CCDC150: variants seen among roughly 807,000 people sequenced by gnomAD.
CCDC150 encodes the protein coiled-coil domain-containing protein 150.
Under a neutral mutation model 156.5 loss-of-function variants are expected in CCDC150, and 151 were observed. The ratio of observed to expected loss-of-function variants is 0.97; its 90% confidence interval spans 0.85 to 1.10. The LOEUF is 1.10. Among genes scored for constraint, CCDC150 ranks in the 50% least tolerant of loss-of-function variants. The probability of loss-of-function intolerance (pLI) is 0.00; values close to 1 mark genes in which losing one functional copy is unlikely to be tolerated. For synonymous variants in CCDC150, 452 were observed against 429.4 expected (o/e 1.05, Z -0.65); for missense variants, 1,312 against 1,268.1 (o/e 1.03, Z -0.53).
intron 1 of CCDC150, among the ~76,000 whole-genome samples, chr2:196,640,462 T>C (rs1692147545): frequency 1.3e-5 from 2 of 152,220 alleles, no homozygotes; most frequent in Non-Finnish European, 2.9e-5. Flanking sequence ...TATGGTTTTC[T>C]TGAGCTCTTC....
At chr2:196,729,473 A>T (rs1275575075) in intron 23 of CCDC150, 86 bp downstream of exon 23, 3 of 1,305,448 alleles carry the variant, frequency 2.3e-6, no homozygotes, top group Non-Finnish European at 3.3e-6. Context: ...AGGTTTTAGA[A>T]CCCTAGCAGC....
In CCDC150 at chr2:196,664,474, C is replaced by T. The variant is rs558183069; in HGVS notation, c.646-1093C>T. 3.3e-5 allele frequency among the ~76,000 whole-genome samples: 5 copies of T among 152,302 alleles called. No homozygotes were observed. The South Asian group carries it at 8.3e-4, about 25-fold the overall frequency. On this transcript the variant is annotated intron_variant, in intron 5 of 27. Transcript: ENST00000389175. ...ATACAGTTGAGCAGCCAGATGGAAG[C>T]GATGCATAGAGCAAGGCATGTGGGA...
rs147501732 is a variant in CCDC150, at chr2:196,640,709, C to T, written c.12+931C>T. 9.6e-4 allele frequency among the ~76,000 whole-genome samples: 147 copies of T among 152,332 alleles called. No individual in the cohort carries two copies. The East Asian group carries it at 0.019, about 20-fold the overall frequency. ...CCCTCATATCTCATATCTAATGCAT[C>T]AGCAAAAGCTATCTTTCAAGTATAT... On this transcript the variant is annotated intron_variant, in intron 1 of 27. Transcript: ENST00000389175.
chr2:196,674,827 A>T (rs1334571417), intron 10 of CCDC150, among the ~76,000 whole-genome samples: 1 of 152,176 alleles, frequency 6.6e-6, no homozygotes, highest in African/African-American at 2.4e-5. Context: ...CTGGGACACT[A>T]AACAGACCAC....
chr2:196,656,941 C>T lies in CCDC150; in HGVS notation c.398-17C>T, dbSNP rs1357431778. 6.2e-7 allele frequency: 1 copy of T among 1,612,800 alleles called. No homozygotes were observed. The highest frequency in any genetic ancestry group is 1.7e-4 in the Middle Eastern group (1 of 6,060). ...CTTCTTTCTGCTGCTTGATGCCCCT[C>T]CTGTGCGGTCTGGTAGCTTTTCTGA... On this transcript the variant is annotated splice_polypyrimidine_tract_variant and intron_variant, in intron 3 of 27. Coordinates refer to ENST00000389175, the MANE Select transcript of CCDC150 (RefSeq NM_001080539.2).
intron 21 of CCDC150, among the ~76,000 whole-genome samples, chr2:196,723,009 G>A (rs1055051869): frequency 2.6e-5 from 4 of 152,152 alleles, no homozygotes; most frequent in Non-Finnish European, 4.4e-5. Flanking sequence ...TTCATCAAAG[G>A]TGAATCAACC....
At chr2:196,715,359 A>G (rs1697431768) in intron 17 of CCDC150, among the ~76,000 whole-genome samples, 1 of 152,184 alleles carries the variant, frequency 6.6e-6, no homozygotes, top group Admixed American at 6.5e-5. Flanking sequence ...TCAGAAGAGT[A>G]TATGTAATAT....
At chr2:196,730,322 T>C (rs537496637) in intron 25 of CCDC150, among the ~76,000 whole-genome samples, 1 of 152,356 alleles carries the variant, frequency 6.6e-6, no homozygotes, top group African/African-American at 2.4e-5. Flanking sequence ...ATTTTCAGTT[T>C]AATAAAAGTA....
chr2:196,676,552 A>C lies in CCDC150; in HGVS notation c.1263-2A>C. ...TCATATGTTCTTGATCTCTTCCTGC[A>C]GGGATCATTTAATCCTTGAGCATAA... On this transcript the variant is annotated splice_acceptor_variant, in intron 11 of 27. Coordinates refer to ENST00000389175, the MANE Select transcript of CCDC150 (RefSeq NM_001080539.2). LOFTEE classifies it high-confidence loss of function. 7.5e-6 allele frequency: 12 copies of C among 1,610,222 alleles called. No individual in the cohort carries two copies. The highest frequency in any genetic ancestry group is 1.0e-5 in the Non-Finnish European group (12 of 1,178,056).
chr2:196,715,819 G>T (rs1282634893), intron 17 of CCDC150, among the ~76,000 whole-genome samples: 1 of 152,020 alleles, frequency 6.6e-6, no homozygotes, highest in Non-Finnish European at 1.5e-5. Flanking sequence ...TCTTAGATTT[G>T]ATATCAAAAG....
intron 13 of CCDC150, among the ~76,000 whole-genome samples, chr2:196,687,845 T>C (rs1695208316): frequency 6.6e-6 from 1 of 152,178 alleles, no homozygotes; most frequent in Non-Finnish European, 1.5e-5. Flanking sequence ...GTCCCATTTA[T>C]TTAACAGGGA....
intron 14 of CCDC150, among the ~76,000 whole-genome samples, chr2:196,696,774 A>G (rs889031942): frequency 9.2e-5 from 14 of 152,252 alleles, no homozygotes; most frequent in African/African-American, 4.8e-5. Flanking sequence ...TTGTCATTCA[A>G]TGCTGGCAGT....
At chr2:196,731,311 A>G (rs943548118) in intron 26 of CCDC150, among the ~76,000 whole-genome samples, 7 of 152,094 alleles carry the variant, frequency 4.6e-5, no homozygotes, top group Non-Finnish European at 1.0e-4. Flanking sequence ...AAAGTAAAGT[A>G]GACCCTATTT....
chr2:196,713,564 C>G, intron 17 of CCDC150: 4 of 1,549,244 alleles, frequency 2.6e-6, no homozygotes, highest in Non-Finnish European at 3.5e-6. Context: ...TAGGATCTCT[C>G]TAAAGACTCT....
rs1692540069 is a variant in CCDC150, at chr2:196,646,354, C to CT, written c.27dup (p.Thr10TyrfsTer18). On this transcript the variant is annotated frameshift_variant, in exon 2 of 28. Coordinates refer to ENST00000389175, the MANE Select transcript of CCDC150 (RefSeq NM_001080539.2). LOFTEE classifies it high-confidence loss of function. ...CTGTATTCTTAGGTACATATGGAAA[C>CT]TACAGTGTCCAGACCGGTCCTTTCT... The CT allele has an allele frequency of 6.2e-7, 1 of 1,613,646 alleles. No homozygotes were observed.
intron 15 of CCDC150, among the ~76,000 whole-genome samples, chr2:196,706,704 T>C (rs964535210): frequency 1.3e-5 from 2 of 152,248 alleles, no homozygotes; most frequent in Non-Finnish European, 2.9e-5. Context: ...ACCTAGCTTA[T>C]TGAGAGTTTT....
In CCDC150 at chr2:196,711,951, G is replaced by A. The variant is rs1697146297; in HGVS notation, c.1696-194G>A. Reference sequence around the variant, plus strand: ...CAGTACATTTAAATGGCTACAGAGTGTATATCATTTTTTGCATGATTAAAC... The same window carrying A: ...CAGTACATTTAAATGGCTACAGAGTATATATCATTTTTTGCATGATTAAAC... On this transcript the variant is annotated intron_variant, in intron 15 of 27. Transcript: ENST00000389175. 4.0e-5 allele frequency among the ~76,000 whole-genome samples: 6 copies of A among 150,290 alleles called. No individual in the cohort carries two copies. In the South Asian group the frequency reaches 1.3e-3, roughly 32 times the overall value.
chr2:196,653,846 A>G (rs568949353), intron 2 of CCDC150, among the ~76,000 whole-genome samples: 1 of 152,218 alleles, frequency 6.6e-6, no homozygotes, highest in South Asian at 2.1e-4. Context: ...TGGGTAATTT[A>G]TAAAGAAAAG....
chr2:196,698,837 C>T lies in CCDC150; in HGVS notation c.1624-2272C>T, dbSNP rs373648455. Among the ~76,000 whole-genome samples the T allele has an allele frequency of 2.6e-5, 4 of 152,164 alleles. No individual in the cohort carries two copies. In the South Asian group the frequency reaches 6.2e-4, roughly 24 times the overall value. On this transcript the variant is annotated intron_variant, in intron 14 of 27. Transcript: ENST00000389175. ...GTATATCTCCTAATGCTATCCCTCC[C>T]CCCTCTCCCCACCCGGCAACAGGCC...
Sources: allele counts gnomAD v4.1 joint callset (sites outside exome capture counted in the v4.1 genomes callset), GRCh38; gene constraint gnomAD v4.1.1; transcripts MANE v1.5; gene names NCBI Gene and HGNC (gene_info 2026-07-23, HGNC 2026-07-21).